The following ENTREP2 variants were observed in gnomAD, a reference collection of about 807,000 sequenced individuals.
ENTREP2 encodes protein ENTREP2.
At chr15:29,311,368 A>AGAGACATGCATTGT in the ENTREP2 span, among the ~76,000 whole-genome samples, 1 of 152,176 alleles carries the variant, frequency 6.6e-6, no homozygotes, top group Non-Finnish European at 1.5e-5. Context: ...ATAATTTATG[A>AGAGACATGCATTGT]GAGACATGCA....
At chr15:29,136,411 G>C in the ENTREP2 span, 1 of 1,537,154 alleles carries the variant, frequency 6.5e-7, no homozygotes, top group Non-Finnish European at 8.8e-7. Flanking sequence ...ACGGAGGGGG[G>C]AGCTCAGCAG....
the ENTREP2 span, among the ~76,000 whole-genome samples, chr15:29,441,032 T>A: frequency 8.2e-3 from 1,254 of 152,306 alleles, 23 homozygotes; most frequent in African/African-American, 0.027. Flanking sequence ...ACGGCAGCAT[T>A]ACTCACAATA....
At chr15:29,356,787 C>T in the ENTREP2 span, among the ~76,000 whole-genome samples, 1,560 of 152,160 alleles carry the variant, frequency 0.01, 41 homozygotes, top group African/African-American at 0.036. Context: ...TTTAGGATCA[C>T]ACAGATGTTA....
chr15:29,654,706 A>C, the ENTREP2 span, among the ~76,000 whole-genome samples: 2 of 152,194 alleles, frequency 1.3e-5, no homozygotes, highest in Admixed American at 1.3e-4. Flanking sequence ...AAATAAAACT[A>C]TATTTGCACT....
At chr15:29,120,606 G>A in the ENTREP2 span, 1 of 152,278 alleles carries the variant, frequency 6.6e-6, no homozygotes, top group East Asian at 1.9e-4. Flanking sequence ...CCAGGCTGGG[G>A]TCAACGGTGG....
chr15:29,635,930 AG>A, the ENTREP2 span, among the ~76,000 whole-genome samples: 1 of 152,200 alleles, frequency 6.6e-6, no homozygotes, highest in South Asian at 2.1e-4. Flanking sequence ...TGATGAGGTA[AG>A]GCTGCTCTGG....
the ENTREP2 span, among the ~76,000 whole-genome samples, chr15:29,561,833 T>C: frequency 6.6e-6 from 1 of 152,238 alleles, no homozygotes; most frequent in Admixed American, 6.5e-5. Context: ...AGAGAGAGGT[T>C]TGACCAGAAA....
chr15:29,429,690 G>A, the ENTREP2 span, among the ~76,000 whole-genome samples: 5 of 152,324 alleles, frequency 3.3e-5, no homozygotes, highest in Admixed American at 2.0e-4. Context: ...GGACAAATTC[G>A]TCTGTGGTTG....
chr15:29,664,242 T>C, the ENTREP2 span, among the ~76,000 whole-genome samples: 23,180 of 152,150 alleles, frequency 0.15, 3,659 homozygotes, highest in African/African-American at 0.4. Flanking sequence ...TTGATGTGCA[T>C]GTGGTCATTC....
chr15:29,370,312 TTGAG>T, the ENTREP2 span, among the ~76,000 whole-genome samples: 1 of 152,068 alleles, frequency 6.6e-6, no homozygotes, highest in Non-Finnish European at 1.5e-5. Flanking sequence ...CAAAAGAAGT[TTGAG>T]TAACTATCCT....
the ENTREP2 span, among the ~76,000 whole-genome samples, chr15:29,434,287 A>C: frequency 2.8e-4 from 42 of 152,320 alleles, no homozygotes; most frequent in Middle Eastern, 3.4e-3. Flanking sequence ...TTGTTCTGTA[A>C]TAGGTCTGGT....
the ENTREP2 span, among the ~76,000 whole-genome samples, chr15:29,174,693 AAAACAAAACAAAACAAC>A: frequency 1.8e-3 from 267 of 148,106 alleles, 8 homozygotes; most frequent in African/African-American, 6.5e-3. Flanking sequence ...CCAACTAAAC[AAAACAAAACAAAACAAC>A]AAAAAAAAAA....
the ENTREP2 span, among the ~76,000 whole-genome samples, chr15:29,192,129 C>A: frequency 6.6e-6 from 1 of 152,054 alleles, no homozygotes; most frequent in African/African-American, 2.4e-5. Context: ...TGGCCCCCAG[C>A]AATCATGAGG....
the ENTREP2 span, among the ~76,000 whole-genome samples, chr15:29,533,269 CTCCAGAAAATG>C: frequency 1.1e-4 from 16 of 152,174 alleles, no homozygotes; most frequent in Non-Finnish European, 1.5e-5. Flanking sequence ...AACTTCAACT[CTCCAGAAAATG>C]TCCAGTCACC....
At chr15:29,672,025 C>T in the ENTREP2 span, among the ~76,000 whole-genome samples, 5 of 152,292 alleles carry the variant, frequency 3.3e-5, no homozygotes, top group South Asian at 1.0e-3. Context: ...CTCACTCTGT[C>T]GCCCAGGCTG....
At chr15:29,403,833 T>C in the ENTREP2 span, among the ~76,000 whole-genome samples, 2 of 152,134 alleles carry the variant, frequency 1.3e-5, no homozygotes, top group Non-Finnish European at 2.9e-5. Flanking sequence ...AGTTGTACCC[T>C]GAAGGGAGCC....
At chr15:29,588,514 GAGGGAGGA>G in the ENTREP2 span, among the ~76,000 whole-genome samples, 7 of 125,928 alleles carry the variant, frequency 5.6e-5, no homozygotes, top group African/African-American at 2.3e-4. Flanking sequence ...GAGAGGGAGG[GAGGGAGGA>G]AGGAAGGAAG....
chr15:29,416,130 G>A, the ENTREP2 span, among the ~76,000 whole-genome samples: 2 of 152,106 alleles, frequency 1.3e-5, no homozygotes, highest in Non-Finnish European at 1.5e-5. Flanking sequence ...TTTCTTCACA[G>A]AATTGGAAAA....
At chr15:29,407,768 C>T in the ENTREP2 span, among the ~76,000 whole-genome samples, 4 of 152,118 alleles carry the variant, frequency 2.6e-5, no homozygotes, top group Non-Finnish European at 4.4e-5. Flanking sequence ...CCCAATCAAG[C>T]GATTCTCCTG....
Sources: allele counts gnomAD v4.1 joint callset (sites outside exome capture counted in the v4.1 genomes callset), GRCh38; gene constraint gnomAD v4.1.1; transcripts MANE v1.5; gene names NCBI Gene and HGNC (gene_info 2026-07-23, HGNC 2026-07-21).